SHANK2: variants seen among roughly 807,000 people sequenced by gnomAD.
The protein encoded by SHANK2 is SH3 and multiple ankyrin repeat domains protein 2.
A neutral mutation model predicts 133.7 loss-of-function variants in SHANK2; 43 were observed. The observed-to-expected ratio is 0.32, with a 90% CI of 0.25 to 0.41. The LOEUF (loss-of-function observed/expected upper bound fraction) is 0.41, where lower values mean the gene tolerates loss of function less well. SHANK2 is among the 10% of genes least tolerant of loss of function. SHANK2 has a pLI of 1.00. For missense variants in SHANK2, 1,994 were observed against 2,235.8 expected, an observed-to-expected ratio of 0.89 and a Z score of 2.18; for synonymous variants, 1,017 against 952.8, an observed-to-expected ratio of 1.07 and a Z score of -1.24.
At chr11:70,616,933 T>C (rs1413076956) in intron 17 of SHANK2, among the ~76,000 whole-genome samples, 8 of 152,084 alleles carry the variant, frequency 5.3e-5, no homozygotes, top group African/African-American at 1.9e-4. Context: ...TGTGCTCCTG[T>C]GTGTGTCTAT....
At chr11:70,918,266 T>C (rs1555080181) in intron 10 of SHANK2, among the ~76,000 whole-genome samples, 1 of 152,186 alleles carries the variant, frequency 6.6e-6, no homozygotes, top group Non-Finnish European at 1.5e-5. Flanking sequence ...TAGACTCTCC[T>C]AACAGGGCTC....
chr11:70,886,045 C>T (rs1949738140), intron 11 of SHANK2, among the ~76,000 whole-genome samples: 1 of 152,170 alleles, frequency 6.6e-6, no homozygotes. Flanking sequence ...AACAACAGAG[C>T]TGGTTATGTC....
chr11:70,639,405 A>C (rs2061148281), intron 17 of SHANK2, among the ~76,000 whole-genome samples: 2 of 152,150 alleles, frequency 1.3e-5, no homozygotes, highest in African/African-American at 4.8e-5. Context: ...GTGTCTTCAA[A>C]GGGCAGAAGG....
intron 3 of SHANK2, among the ~76,000 whole-genome samples, chr11:71,140,609 C>T (rs868961483): frequency 2.0e-5 from 3 of 152,206 alleles, no homozygotes; most frequent in Non-Finnish European, 4.4e-5. Flanking sequence ...GTGGGTAGCA[C>T]CAGCAGGAGG....
chr11:70,844,847 T>C (rs1183203913), intron 11 of SHANK2, among the ~76,000 whole-genome samples: 1 of 152,132 alleles, frequency 6.6e-6, no homozygotes, highest in Admixed American at 6.5e-5. Context: ...GGCCAATTGC[T>C]TTCACCAGAG....
intron 6 of SHANK2, among the ~76,000 whole-genome samples, chr11:71,100,851 A>C (rs1555096522): frequency 6.8e-6 from 1 of 148,098 alleles, no homozygotes; most frequent in Non-Finnish European, 1.5e-5. Context: ...TGGGTGACAC[A>C]GCAAGACTCC....
chr11:70,819,768 G>T (rs1948478223), intron 12 of SHANK2, among the ~76,000 whole-genome samples: 1 of 152,128 alleles, frequency 6.6e-6, no homozygotes, highest in Non-Finnish European at 1.5e-5. Flanking sequence ...TGCCATGCTG[G>T]ACCCAGGCCT....
rs1953720239 is a variant in SHANK2 at position 71,188,443 on chromosome 11, C to A, written c.-13+36254G>T. ...GCTGAGGTCTCTCCAGAAACAGAAT[C>A]CCCTCCCTCTGGGGAGAAGGACTTC... On this transcript the variant is annotated intron_variant, in intron 2 of 25. Coordinates refer to ENST00000601538, the MANE Select transcript of SHANK2 (RefSeq NM_012309.5). The surrounding 1 kb of genome is among the most constrained non-coding windows in gnomAD (Gnocchi z 4.6). Among the ~76,000 whole-genome samples the A allele has an allele frequency of 2.6e-5, 4 of 152,296 alleles. 1 individual carries two copies. In the South Asian group the frequency reaches 8.3e-4, roughly 32 times the overall value.
In SHANK2 at chr11:70,492,678, G is replaced by A. The variant is rs140944986; in HGVS notation, c.2309-213C>T. ...GGACCTTGCCCTCGGAGGCATGCAC[G>A]AGGCATGGACATAGAAGACCCTCCA... On this transcript the variant is annotated intron_variant, in intron 21 of 25. Transcript: ENST00000601538. Among the ~76,000 whole-genome samples, 366 of 152,166 alleles carry A rather than the reference G, an allele frequency of 2.4e-3. 4 individuals are homozygous for A. Among genetic ancestry groups the A allele is most frequent in the African/African-American group, 8.4e-3 (350 of 41,520 alleles).
chr11:70,916,724 G>A (rs1950276179), intron 10 of SHANK2, among the ~76,000 whole-genome samples: 1 of 152,172 alleles, frequency 6.6e-6, no homozygotes. Context: ...CTTGCAAAAT[G>A]CTAATGTGAC....
At chr11:70,597,103 C>G (rs2060412307) in intron 17 of SHANK2, among the ~76,000 whole-genome samples, 1 of 152,034 alleles carries the variant, frequency 6.6e-6, no homozygotes, top group Non-Finnish European at 1.5e-5. Flanking sequence ...GGTGACTGTT[C>G]CCTCCAGACT....
In SHANK2 at chr11:70,930,659, C is replaced by CTTTTT. The variant is rs367913415; in HGVS notation, c.1108-34097_1108-34093dup. Among the ~76,000 whole-genome samples the CTTTTT allele has an allele frequency of 3.9e-4, 44 of 114,182 alleles. 3 individuals are homozygous for CTTTTT. The highest frequency in any genetic ancestry group is 9.9e-4 in the East Asian group (4 of 4,038). The allele number at this position is 114,182 out of a possible 152,430, so 74.9% of individuals were successfully genotyped here. On this transcript the variant is annotated intron_variant, in intron 10 of 25. Transcript: ENST00000601538. ...TTTTCTCTTGTTTTTATTTCTTTGT[C>CTTTTT]TTTTTTTTTTCTTTTTTTTTTTGAG...
At chr11:70,493,378 A>AG (rs1555156407) in intron 21 of SHANK2, among the ~76,000 whole-genome samples, 1 of 150,884 alleles carries the variant, frequency 6.6e-6, no homozygotes, top group East Asian at 1.9e-4. Flanking sequence ...TCCTTTAAAA[A>AG]AAAAAAAAAA....
At chr11:71,247,034 T>C (rs552149387) in intron 1 of SHANK2, among the ~76,000 whole-genome samples, 86 of 152,360 alleles carry the variant, frequency 5.6e-4, no homozygotes, top group African/African-American at 1.8e-3. Flanking sequence ...AATTTATGTA[T>C]ATTTTTCGTG....
At chr11:71,155,528 A>G (rs2135444841) in intron 2 of SHANK2, among the ~76,000 whole-genome samples, 1 of 152,060 alleles carries the variant, frequency 6.6e-6, no homozygotes, top group South Asian at 2.1e-4. Context: ...CACCCTCAAC[A>G]TGGAGACACC....
intron 17 of SHANK2, chr11:70,604,829 G>A (rs576227475): frequency 4.6e-5 from 7 of 152,472 alleles, no homozygotes; most frequent in African/African-American, 1.7e-4. Flanking sequence ...GGCACAGAAG[G>A]GCTGAGGGTG....
intron 6 of SHANK2, among the ~76,000 whole-genome samples, chr11:71,095,617 G>A (rs568894175): frequency 3.9e-5 from 6 of 152,328 alleles, no homozygotes; most frequent in Middle Eastern, 3.4e-3. Flanking sequence ...TTCACAAGGC[G>A]TGTGTCTTGC....
intron 11 of SHANK2, among the ~76,000 whole-genome samples, chr11:70,868,257 G>A (rs1555069475): frequency 2.0e-5 from 3 of 152,132 alleles, no homozygotes; most frequent in South Asian, 4.1e-4. Flanking sequence ...GTCGGCATAC[G>A]GACACCTGTC....
chr11:71,190,799 C>T (rs1953777836), intron 2 of SHANK2, among the ~76,000 whole-genome samples: 1 of 152,220 alleles, frequency 6.6e-6, no homozygotes, highest in Non-Finnish European at 1.5e-5. Context: ...CCTGCACGAA[C>T]CCATCATTTC....
Sources: gnomAD v4.1 joint callset for allele counts (sites outside exome capture counted in the v4.1 genomes callset) on GRCh38, gnomAD v4.1.1 for gene constraint, Gnocchi (gnomAD v3.1) non-coding constraint, MANE v1.5 for transcripts, NCBI Gene and HGNC (gene_info 2026-07-23, HGNC 2026-07-21) for gene names.